Variants in CLIP3 observed in about 807,000 individuals in gnomAD.
CLIP3 encodes CAP-Gly domain containing linker protein 3.
Under a neutral mutation model 59.4 loss-of-function variants are expected in CLIP3, and 15 were observed. The observed-to-expected ratio is 0.25, with a 90% CI of 0.17 to 0.39. The LOEUF (loss-of-function observed/expected upper bound fraction) is 0.39. Ranked by LOEUF, CLIP3 falls within the 10% of genes least tolerant of loss-of-function variation. The pLI is 1.00. For missense variants in CLIP3, 495 were observed against 765.7 expected (o/e 0.65, Z 4.17); for synonymous variants, 300 against 321.6 (o/e 0.93, Z 0.72).
Position 36,017,495 on chromosome 19 carries a change from C to T in CLIP3, c.1452-45G>A, listed in dbSNP as rs748119774. ...GGGAGAAGTCAGAGCCACAAAAGGC[C>T]AGGGTCTGACTGAGAGCTGGGCCCC... On this transcript the variant is annotated intron_variant, in intron 11 of 13. Coordinates refer to ENST00000360535, the MANE Select transcript of CLIP3 (RefSeq NM_015526.3). 13 of 1,609,286 alleles carry T rather than the reference C, an allele frequency of 8.1e-6. No homozygotes were observed. The South Asian group carries it at 1.4e-4, about 18-fold the overall frequency.
chr19:36,026,358 C>T lies in CLIP3; in HGVS notation c.563-93G>A. 4.0e-6 allele frequency: 5 copies of T among 1,262,982 alleles called. No homozygotes were observed. In the Admixed American group the frequency reaches 9.3e-5, roughly 24 times the overall value. 78.2% of individuals were successfully genotyped at this position (1,262,982 alleles called of 1,614,324 possible). A position where few individuals can be genotyped will look rare whatever the true frequency, so the allele number is the denominator to read the frequency against. ...GGGCTCATCTCTTAACTTGCAGGTC[C>T]CAGAGCCTCCGACGCAGAGCCCCGC... On this transcript the variant is annotated intron_variant, in intron 5 of 13. Transcript: ENST00000360535. The surrounding 1 kb of genome is among the most constrained non-coding windows in gnomAD (Gnocchi z 6.3).
rs1350819163 is a variant in CLIP3, at chr19:36,024,715, G to C, written c.682-83C>G. ...GAGGCCCTGCCCCTAGAGACCACCA[G>C]TCTGGGTGATGCAGGGGTAAGACTA... On this transcript the variant is annotated intron_variant, in intron 6 of 13. Coordinates refer to ENST00000360535, the MANE Select transcript of CLIP3 (RefSeq NM_015526.3). The C allele has an allele frequency of 9.1e-6, 12 of 1,325,160 alleles. No individual in the cohort carries two copies. In the East Asian group the frequency reaches 2.6e-4, roughly 28 times the overall value. 82.1% of individuals were successfully genotyped at this position (1,325,160 alleles called of 1,614,324 possible).
intron 7 of CLIP3, among the ~76,000 whole-genome samples, chr19:36,019,608 T>TTA (rs1491469638): frequency 1.9e-4 from 22 of 113,924 alleles, no homozygotes; most frequent in South Asian, 5.2e-4. Flanking sequence ...ATTTTATTTA[T>TTA]TTTTTTTTTT....
In CLIP3 at chr19:36,017,884, T is replaced by C. The variant is rs1283881834; in HGVS notation, c.1291A>G (p.Ile431Val). The C allele has an allele frequency of 6.2e-7, 1 of 1,613,982 alleles. No homozygotes were observed. Among genetic ancestry groups the C allele is most frequent in the Admixed American group, 1.7e-5 (1 of 60,016 alleles). The change falls in exon 10 of 14, where the codon ATC (isoleucine) becomes GTC (valine). Residue 431 changes from isoleucine to valine, a missense_variant. Transcript: ENST00000360535. ...QVLVAGQKQG[I>V]VRFYGKTDFA... The stretch of plus-strand genomic sequence containing the variant: ...TCTGTCTTCCCGTAGAAGCGCACGA[T>C]CCCCTGCTTCTGGCCCGCGACAAGG...
intron 7 of CLIP3, among the ~76,000 whole-genome samples, chr19:36,023,429 T>C (rs1307467458): frequency 6.6e-6 from 1 of 152,170 alleles, no homozygotes; most frequent in Non-Finnish European, 1.5e-5. Flanking sequence ...CTTTCCTATC[T>C]CAGTTTGGAC....
rs1033243229 is a variant in CLIP3, at chr19:36,026,038, C to T, written c.681+109G>A. 15 of 753,194 alleles carry T rather than the reference C, an allele frequency of 2.0e-5. No homozygotes were observed. The highest frequency in any genetic ancestry group is 6.4e-5 in the Admixed American group (3 of 46,734). 46.7% of individuals were successfully genotyped at this position (753,194 alleles called of 1,614,324 possible). ...TTATTGCATTTGCTGAATGTACAGA[C>T]GGCATTTGTAGTATTTGGGGAGTCA... is the stretch of plus-strand genomic sequence containing the variant. On this transcript the variant is annotated intron_variant, in intron 6 of 13. Transcript: ENST00000360535. The surrounding 1 kb of genome is among the most constrained non-coding windows in gnomAD (Gnocchi z 6.3).
At chr19:36,029,262 G>T (rs1227946719) in intron 2 of CLIP3, among the ~76,000 whole-genome samples, 1 of 149,050 alleles carries the variant, frequency 6.7e-6, no homozygotes, top group Non-Finnish European at 1.5e-5. Context: ...AGAGGTTGCA[G>T]TGGGCCAAGA....
At chr19:36,021,240 G>A (rs947647606) in intron 7 of CLIP3, among the ~76,000 whole-genome samples, 1 of 151,756 alleles carries the variant, frequency 6.6e-6, no homozygotes, top group Non-Finnish European at 1.5e-5. Context: ...AGTTTCATCT[G>A]TAAAATAGAG....
In CLIP3 at chr19:36,026,923, C is replaced by T; in HGVS notation, c.400+29G>A. ...GGGTCTGGGGGCCTAGGCTTTGGGG[C>T]TTATGACTTGGGGGTAGGGGGCCCT... On this transcript the variant is annotated intron_variant, in intron 4 of 13. Transcript: ENST00000360535. The surrounding 1 kb of genome is among the most constrained non-coding windows in gnomAD (Gnocchi z 6.3). The T allele has an allele frequency of 6.5e-7, 1 of 1,527,662 alleles. No individual in the cohort carries two copies. The highest frequency in any genetic ancestry group is 8.8e-7 in the Non-Finnish European group (1 of 1,141,010). 94.6% of individuals were successfully genotyped at this position (1,527,662 alleles called of 1,614,324 possible).
chr19:36,018,774 G>A, intron 9 of CLIP3, 124 bp downstream of exon 9: 1 of 1,308,368 alleles, frequency 7.6e-7, no homozygotes, highest in South Asian at 1.4e-5. Context: ...CAGAAGTCAG[G>A]AACTCAGAGC....
Position 36,017,998 on chromosome 19 carries a change from G to A in CLIP3, c.1184-7C>T, listed in dbSNP as rs762354751. 9.9e-6 allele frequency: 16 copies of A among 1,613,546 alleles called. No homozygotes were observed. The highest frequency in any genetic ancestry group is 1.4e-5 in the Non-Finnish European group (16 of 1,180,028). ...GATGGGGTCTTCTTCTTGCCTAAGG[G>A]TAGAAGGTGTAGGAGGTGGGTAGTG... On this transcript the variant is annotated splice_region_variant and splice_polypyrimidine_tract_variant and intron_variant, in intron 9 of 13. Coordinates refer to ENST00000360535, the MANE Select transcript of CLIP3 (RefSeq NM_015526.3).
chr19:36,016,941 G>C lies in CLIP3; in HGVS notation c.1555C>G (p.Pro519Ala). Residue 519 changes from proline (P) to alanine (A), a missense_variant, in exon 13 of 14, where the codon CCA (proline) becomes GCA (alanine). Pro to Ala is a conservative substitution (Grantham distance 27, BLOSUM62 -1). Around this residue, in one of 5 missense-constraint regions of CLIP3, gnomAD observed 179 missense variants for 226.2 expected, o/e 0.79. Coordinates refer to ENST00000360535, the MANE Select transcript of CLIP3 (RefSeq NM_015526.3). The surrounding 1 kb of genome is among the most constrained non-coding windows in gnomAD (Gnocchi z 4.1). ...GAGTTCTCTGATGCAATGTCCTTTG[G>C]GGTCCGGACTGTGGTGAAGGTGCGT... Reference protein sequence around the residue: ...PKRTFTTVRTPKDIASENSIS... With the variant: ...PKRTFTTVRTAKDIASENSIS... 6.2e-7 allele frequency: 1 copy of C among 1,613,992 alleles called. No homozygotes were observed. The highest frequency in any genetic ancestry group is 1.1e-5 in the South Asian group (1 of 91,060).
At chr19:36,018,133 G>A in intron 9 of CLIP3, 142 bp from the exon 10 acceptor site, 1 of 972,050 alleles carries the variant, frequency 1.0e-6, no homozygotes. Flanking sequence ...GAATTAGGAA[G>A]GGGCTTTAGG....
Position 36,018,344 on chromosome 19 carries a change from C to T in CLIP3, c.1184-353G>A, listed in dbSNP as rs149630718. Among the ~76,000 whole-genome samples the T allele has an allele frequency of 2.6e-3, 401 of 152,186 alleles. 3 individuals are homozygous for T. Among genetic ancestry groups the T allele is most frequent in the African/African-American group, 9.2e-3 (382 of 41,514 alleles). ...CTGTAATCCCAACATTTTGAGAGGC[C>T]GAGGCGGGCAGATCACTTGAGGTCA... On this transcript the variant is annotated intron_variant, in intron 9 of 13. Coordinates refer to ENST00000360535, the MANE Select transcript of CLIP3 (RefSeq NM_015526.3).
rs747205078 is a variant in CLIP3 at position 36,017,712 on chromosome 19, C to T, written c.1394G>A (p.Arg465Gln). The T allele has an allele frequency of 1.4e-5, 23 of 1,614,072 alleles. 1 individual carries two copies. The highest frequency in any genetic ancestry group is 1.7e-5 in the Admixed American group (1 of 59,992). Residue 465 changes from arginine (R) to glutamine (Q), a missense_variant, in exon 11 of 14, where the codon CGG (arginine) becomes CAG (glutamine). By Grantham distance (43) the Arg-to-Gln change is conservative. Transcript: ENST00000360535. ...ATGCCTCGGGGGGCAAGTGAAGTAC[C>T]GGACACCGAAGACAGAGCCATCATG... ...GKHDGSVFGVRYFTCPPRHGV... is the reference protein window; with the variant it reads ...GKHDGSVFGVQYFTCPPRHGV...
chr19:36,029,496 G>C (rs555682972), intron 2 of CLIP3, among the ~76,000 whole-genome samples: 1 of 150,918 alleles, frequency 6.6e-6, no homozygotes, highest in Non-Finnish European at 1.5e-5. Flanking sequence ...TGTTGCCCAG[G>C]CTGGTCTCGA....
intron 7 of CLIP3, among the ~76,000 whole-genome samples, chr19:36,020,309 T>G (rs1968920181): frequency 6.6e-6 from 1 of 151,130 alleles, no homozygotes. Context: ...AATTTAAAAA[T>G]AAATAAATTT....
Position 36,015,852 on chromosome 19 carries a change from G to A in CLIP3, c.*306C>T, listed in dbSNP as rs1199413931. On this transcript the variant is annotated 3_prime_UTR_variant, in exon 14 of 14. Transcript: ENST00000360535. ...CTGTTGTAATGCATTATGTGGAGAGGGTCACCATCATTTGGGGTGATATGG... is the reference window on the plus strand; with the variant it reads ...CTGTTGTAATGCATTATGTGGAGAGAGTCACCATCATTTGGGGTGATATGG... The A allele has an allele frequency of 6.4e-6, 3 of 472,244 alleles. No individual in the cohort carries two copies. The highest frequency in any genetic ancestry group is 3.3e-5 in the Admixed American group (1 of 30,084). 29.3% of individuals were successfully genotyped at this position (472,244 alleles called of 1,614,324 possible).
chr19:36,031,216 A>T (rs931371065), intron 2 of CLIP3, among the ~76,000 whole-genome samples: 1 of 151,576 alleles, frequency 6.6e-6, no homozygotes, highest in Non-Finnish European at 1.5e-5. Context: ...GGGTTTCACC[A>T]TGTTGGCCAT....
Sources: gnomAD v4.1 joint callset for allele counts (sites outside exome capture counted in the v4.1 genomes callset) on GRCh38, gnomAD v4.1.1 for gene constraint, gnomAD v4.1.1 regional missense constraint, Gnocchi (gnomAD v3.1) non-coding constraint, MANE v1.5 for transcripts, NCBI Gene and HGNC (gene_info 2026-07-23, HGNC 2026-07-21) for gene names.